Variants in B2M observed in about 807,000 individuals in gnomAD.
B2M encodes beta-2-microglobulin.
A neutral mutation model predicts 14.5 loss-of-function variants in B2M; 3 were observed. The ratio of observed to expected loss-of-function variants is 0.21; its 90% CI spans 0.09 to 0.53. B2M has a LOEUF of 0.53. B2M is among the 20% of genes least tolerant of loss of function. B2M has a pLI of 0.95. For missense variants in B2M, 107 were observed against 140.8 expected (o/e 0.76, Z 1.21); for synonymous variants, 45 against 52.7 (o/e 0.85, Z 0.64).
chr15:44,711,802 C>A, intron 1 of B2M, 189 bp downstream of exon 1: 1 of 761,996 alleles, frequency 1.3e-6, no homozygotes, highest in Non-Finnish European at 2.3e-6. Context: ...AGGGGGTGCG[C>A]ACCCGGGACG....
At chr15:44,711,806 C>A in intron 1 of B2M, 193 bp downstream of exon 1, 1 of 743,942 alleles carries the variant, frequency 1.3e-6, no homozygotes, top group Non-Finnish European at 2.3e-6. Flanking sequence ...GGTGCGCACC[C>A]GGGACGCGCG....
chr15:44,715,908 A>G (rs1200864497), intron 2 of B2M: 1 of 698,666 alleles, frequency 1.4e-6, no homozygotes, highest in Non-Finnish European at 2.5e-6. Flanking sequence ...GATGCACAGC[A>G]TGGTTTCTGA....
chr15:44,716,460 A>G (rs754833623), intron 3 of B2M, 104 bp downstream of exon 3: 5 of 1,246,158 alleles, frequency 4.0e-6, no homozygotes, highest in South Asian at 1.2e-5. Context: ...ACATTGACAG[A>G]GTAACATTTT....
chr15:44,715,371 C>T (rs1595999363), intron 1 of B2M, 52 bp from the exon 2 acceptor site: 3 of 1,583,296 alleles, frequency 1.9e-6, no homozygotes, highest in South Asian at 2.2e-5. Flanking sequence ...CAAGTTAGCC[C>T]CAAGTGAAAT....
chr15:44,715,998 C>T lies in B2M; in HGVS notation c.346+297C>T, dbSNP rs184735585. ...CATATACACTCTTAACACTTCTTAC[C>T]TACTGGCTTCCTCTAGCTTTTGTGG... is the stretch of plus-strand genomic sequence containing the variant. On this transcript the variant is annotated intron_variant, in intron 2 of 3. Coordinates refer to ENST00000648006, the MANE Select transcript of B2M (RefSeq NM_004048.4). The T allele has an allele frequency of 4.7e-5, 28 of 601,386 alleles. No homozygotes were observed. In the African/African-American group the frequency reaches 5.0e-4, roughly 11 times the overall value. The allele number at this position is 601,386 out of a possible 1,614,324, so 37.3% of individuals were successfully genotyped here.
chr15:44,711,773 G>A (rs2086870917), intron 1 of B2M, among the ~76,000 whole-genome samples, 160 bp downstream of exon 1: 1 of 152,246 alleles, frequency 6.6e-6, no homozygotes, highest in Non-Finnish European at 1.5e-5. Flanking sequence ...GAAGCGGCGG[G>A]GTGGCCTGGG....
intron 1 of B2M, chr15:44,712,978 G>C (rs1174497838): frequency 6.7e-6 from 1 of 148,602 alleles, no homozygotes; most frequent in African/African-American, 2.5e-5. Flanking sequence ...GCAACAGAGC[G>C]AGACCCTGTC....
chr15:44,715,171 A>G (rs1566876963), intron 1 of B2M: 4 of 563,792 alleles, frequency 7.1e-6, no homozygotes, highest in Non-Finnish European at 1.3e-5. Context: ...ACTGCTAGAA[A>G]TCTGCTAGAA....
intron 1 of B2M, 56 bp downstream of exon 1, chr15:44,711,669 G>T: frequency 6.4e-7 from 1 of 1,564,346 alleles, no homozygotes. Context: ...TGCACCCTCT[G>T]TGGCCCTCGC....
chr15:44,716,535 G>A (rs1736837170), intron 3 of B2M, 179 bp downstream of exon 3: 1 of 693,608 alleles, frequency 1.4e-6, no homozygotes, highest in Non-Finnish European at 2.5e-6. Context: ...TGAAGAAGGT[G>A]TATGGCCCCA....
At chr15:44,716,473 C>A in intron 3 of B2M, 117 bp downstream of exon 3, 1 of 1,173,176 alleles carries the variant, frequency 8.5e-7, no homozygotes, top group Non-Finnish European at 1.3e-6. Context: ...AACATTTTAG[C>A]AGGGAAAGAA....
intron 1 of B2M, 45 bp downstream of exon 1, chr15:44,711,658 C>G: frequency 6.3e-7 from 1 of 1,580,512 alleles, no homozygotes; most frequent in Non-Finnish European, 8.7e-7. Flanking sequence ...CTCTCCCGCT[C>G]TGCACCCTCT....
chr15:44,712,533 TTGGC>T (rs2086890023), intron 1 of B2M, among the ~76,000 whole-genome samples: 1 of 152,256 alleles, frequency 6.6e-6, no homozygotes, highest in African/African-American at 2.4e-5. Flanking sequence ...CGCATGCCTT[TTGGC>T]TGTAATTCGT....
intron 1 of B2M, chr15:44,714,799 A>C (rs969923961): frequency 6.4e-6 from 1 of 155,708 alleles, no homozygotes; most frequent in African/African-American, 2.4e-5. Context: ...TAGGAACCTC[A>C]GATAATAACA....
chr15:44,717,657 G>A lies in B2M; in HGVS notation c.*65G>A, dbSNP rs1192874192. 2 of 152,174 alleles carry A rather than the reference G, an allele frequency of 1.3e-5. No homozygotes were observed. The highest frequency in any genetic ancestry group is 2.9e-5 in the Non-Finnish European group (2 of 68,048). The allele number at this position is 152,174 out of a possible 1,614,324, so 9.4% of individuals were successfully genotyped here. On this transcript the variant is annotated 3_prime_UTR_variant, in exon 4 of 4. Transcript: ENST00000648006. ...GATGAATTCCAAATTCTGCTTGCTT[G>A]CTTTTTAATATTGATATGCTTATAC... is the stretch of plus-strand genomic sequence containing the variant.
intron 1 of B2M, chr15:44,713,947 A>G (rs2086915143): frequency 6.6e-6 from 1 of 152,112 alleles, no homozygotes; most frequent in Non-Finnish European, 1.5e-5. Context: ...CCTTTTAGTG[A>G]TCATGTACCC....
chr15:44,715,135 C>A, intron 1 of B2M: 1 of 482,860 alleles, frequency 2.1e-6, no homozygotes, highest in Non-Finnish European at 3.8e-6. Context: ...CTTAAAAATG[C>A]AGCGCAATCT....
At chr15:44,711,926 A>G in intron 1 of B2M, 1 of 535,364 alleles carries the variant, frequency 1.9e-6, no homozygotes, top group Non-Finnish European at 3.4e-6. Flanking sequence ...AGGTTGGGGG[A>G]GGGTTTCTCT....
intron 1 of B2M, chr15:44,711,846 G>C (rs1566875479): frequency 1.5e-6 from 1 of 656,960 alleles, no homozygotes; most frequent in Admixed American, 2.3e-5. Flanking sequence ...GGGAGCAGGG[G>C]AGACCTTTGG....
Sources: allele counts gnomAD v4.1 joint callset (sites outside exome capture counted in the v4.1 genomes callset), GRCh38; gene constraint gnomAD v4.1.1; transcripts MANE v1.5; gene names NCBI Gene and HGNC (gene_info 2026-07-23, HGNC 2026-07-21).